The following MYO18A variants were observed in gnomAD, a reference collection of about 807,000 sequenced individuals.
MYO18A encodes the protein myosin XVIIIA.
In MYO18A, 78 loss-of-function variants were observed where a neutral mutation model predicts 235.8. The observed-to-expected ratio is 0.33, with a 90% CI of 0.28 to 0.40. The LOEUF (loss-of-function observed/expected upper bound fraction) is 0.40. Ranked by LOEUF, MYO18A falls within the 10% of genes least tolerant of loss-of-function variation. The pLI, the probability that MYO18A is intolerant of heterozygous loss-of-function variation, is 1.00. For synonymous variants in MYO18A, 977 were observed against 1,077.8 expected (o/e 0.91, Z 1.83); for missense variants, 2,215 against 2,699.3 (o/e 0.82, Z 3.98).
chr17:29,164,242 C>T (rs527874570), intron 2 of MYO18A, among the ~76,000 whole-genome samples: 2 of 152,210 alleles, frequency 1.3e-5, no homozygotes, highest in Admixed American at 6.5e-5. Context: ...CTCTCTACCT[C>T]GTGGTTCTCT....
chr17:29,110,985 T>C (rs1159351506), intron 17 of MYO18A, among the ~76,000 whole-genome samples: 2 of 152,230 alleles, frequency 1.3e-5, no homozygotes, highest in East Asian at 1.9e-4. Flanking sequence ...TTATTTATTA[T>C]GTTTATTGTT....
At chr17:29,080,962 G>A (rs2066106454) in intron 41 of MYO18A, 29 of 985,492 alleles carry the variant, frequency 2.9e-5, no homozygotes, top group Non-Finnish European at 3.5e-5. Context: ...CACCACCGAG[G>A]ACGGCCTCTC....
In MYO18A at chr17:29,111,844, G is replaced by A. The variant is rs748479097; in HGVS notation, c.2618C>T (p.Thr873Ile). 5.6e-6 allele frequency: 9 copies of A among 1,612,416 alleles called. No homozygotes were observed. The highest frequency in any genetic ancestry group is 7.6e-6 in the Non-Finnish European group (9 of 1,179,212). The stretch of plus-strand genomic sequence containing the variant: ...CCAGAGCAGGCCCCTCGCCTCGTCT[G>A]TGCGGGCCAGCGAGCGGACCTACAG... ...HQSLVRSLAR[T>I]DEARGLLWLL... Residue 873 changes from threonine to isoleucine, a missense_variant, in exon 16 of 42, where the codon ACA (threonine) becomes ATA (isoleucine). By Grantham distance (89) the Thr-to-Ile change is moderately conservative. Transcript: ENST00000527372. This position sits in a 1 kb window ranked among gnomAD's most constrained non-coding sequence, Gnocchi z 5.1.
intron 2 of MYO18A, among the ~76,000 whole-genome samples, chr17:29,141,027 G>C (rs1249384979): frequency 6.6e-6 from 1 of 152,210 alleles, no homozygotes; most frequent in Non-Finnish European, 1.5e-5. Context: ...GACCCACACG[G>C]GCAGGCCCAC....
intron 20 of MYO18A, among the ~76,000 whole-genome samples, chr17:29,105,554 C>T (rs568924426): frequency 7.9e-5 from 12 of 152,110 alleles, no homozygotes; most frequent in African/African-American, 2.9e-4. Context: ...AGGGACCCTC[C>T]CCACCAAGAC....
chr17:29,127,247 T>C (rs2067344189), intron 2 of MYO18A, among the ~76,000 whole-genome samples: 1 of 152,212 alleles, frequency 6.6e-6, no homozygotes, highest in Admixed American at 6.5e-5. Context: ...GCCCCTGTAG[T>C]GTGAATATTC....
chr17:29,143,402 G>GTTTTT (rs532615100), intron 2 of MYO18A, among the ~76,000 whole-genome samples: 5 of 121,534 alleles, frequency 4.1e-5, no homozygotes, highest in African/African-American at 1.0e-4. Context: ...CACCATGTAG[G>GTTTTT]TTTTTTTTTT....
Position 29,111,276 on chromosome 17 carries a change from G to T in MYO18A, c.2900+148C>A, listed in dbSNP as rs1215759923. ...CAAGAGGCCCCTCAAGCTCCTCAAG[G>T]CCAAGTGCCCTGGGCTGTTGCCTCT... On this transcript the variant is annotated intron_variant, in intron 17 of 41. Transcript: ENST00000527372. This position sits in a 1 kb window ranked among gnomAD's most constrained non-coding sequence, Gnocchi z 5.1. 6.5e-5 allele frequency: 58 copies of T among 888,052 alleles called. No individual in the cohort carries two copies. The allele number at this position is 888,052 out of a possible 1,614,324, so 55.0% of individuals were successfully genotyped here.
rs1403283667 is a variant in MYO18A, at chr17:29,098,161, G to A, written c.3934C>T (p.Leu1312=). 6.2e-7 allele frequency: 1 copy of A among 1,613,796 alleles called. No individual in the cohort carries two copies. The highest frequency in any genetic ancestry group is 8.5e-7 in the Non-Finnish European group (1 of 1,179,892). The change falls in exon 25 of 42, where the codon CTG becomes TTG. Residue 1312 remains leucine, a synonymous_variant. Transcript: ENST00000527372. ...RNTGESASQL[L]DAETAERLRA... ...AGCCTCTCTGCTGTCTCCGCGTCCA[G>A]CAGCTGGGAGGCGGACTCTCCTGTG...
rs776414017 is a variant in MYO18A, at chr17:29,118,467, C to G, written c.1830-27G>C. 6.3e-7 allele frequency: 1 copy of G among 1,581,972 alleles called. No individual in the cohort carries two copies. Among genetic ancestry groups the G allele is most frequent in the African/African-American group, 1.3e-5 (1 of 74,380 alleles). ...TAGGGGTACAAATAAGGCATCAGCA[C>G]GGCACTTGGTCCCCATGCCAAGGCC... On this transcript the variant is annotated intron_variant, in intron 8 of 41. Coordinates refer to ENST00000527372, the MANE Select transcript of MYO18A (RefSeq NM_078471.4). This position sits in a 1 kb window ranked among gnomAD's most constrained non-coding sequence, Gnocchi z 4.2.
intron 40 of MYO18A, among the ~76,000 whole-genome samples, chr17:29,084,756 T>C (rs1164955619): frequency 6.0e-5 from 9 of 149,222 alleles, no homozygotes; most frequent in Admixed American, 1.3e-4. Flanking sequence ...GGGGAGGGGG[T>C]CCATCAGGCG....
intron 2 of MYO18A, chr17:29,124,644 G>C (rs1319018485): frequency 7.8e-7 from 1 of 1,281,818 alleles, no homozygotes; most frequent in Non-Finnish European, 1.0e-6. Context: ...TGGGGGGAGA[G>C]CACCCTACCT....
chr17:29,174,773 T>C (rs1255126713), intron 1 of MYO18A, among the ~76,000 whole-genome samples: 2 of 152,028 alleles, frequency 1.3e-5, no homozygotes, highest in African/African-American at 2.4e-5. Flanking sequence ...GATCACGCCA[T>C]TGCAGCACTC....
In MYO18A at chr17:29,121,205, G is replaced by A. The variant is rs1401981712; in HGVS notation, c.1378C>T (p.His460Tyr). The A allele has an allele frequency of 6.2e-7, 1 of 1,605,188 alleles. No homozygotes were observed. Among genetic ancestry groups the A allele is most frequent in the African/African-American group, 1.3e-5 (1 of 74,728 alleles). Residue 460 changes from histidine to tyrosine, a missense_variant, in exon 6 of 42, where the codon CAC becomes TAC. Coordinates refer to ENST00000527372, the MANE Select transcript of MYO18A (RefSeq NM_078471.4). The surrounding 1 kb of genome is among the most constrained non-coding windows in gnomAD (Gnocchi z 4.2). ...TCCCGCCGACAACCCTTGAACATGT[G>A]CATCACCTTGGGCAGGAGAGCAAGG... is the stretch of plus-strand genomic sequence containing the variant. ...APAVYSEKVM[H>Y]MFKGCRREDM...
At chr17:29,167,170 T>C (rs1440879247) in intron 1 of MYO18A, 149 bp from the exon 2 acceptor site, 1 of 532,694 alleles carries the variant, frequency 1.9e-6, no homozygotes. Context: ...TCTCCACTGA[T>C]TTAATCCTTA....
In MYO18A at chr17:29,118,207, C is replaced by G; in HGVS notation, c.1894-18G>C. The stretch of plus-strand genomic sequence containing the variant: ...TCCTCAGGCTGTGGAGATAGATGAC[C>G]TCAAAGGGCTGTCCCTCCCAGCACA... On this transcript the variant is annotated intron_variant, in intron 9 of 41. Coordinates refer to ENST00000527372, the MANE Select transcript of MYO18A (RefSeq NM_078471.4). The surrounding 1 kb of genome is among the most constrained non-coding windows in gnomAD (Gnocchi z 4.2). 4 of 1,593,968 alleles carry G rather than the reference C, an allele frequency of 2.5e-6. No homozygotes were observed. Among genetic ancestry groups the G allele is most frequent in the Non-Finnish European group, 3.4e-6 (4 of 1,168,976 alleles).
rs774046799 is a variant in MYO18A, at chr17:29,120,778, G to A, written c.1586-20C>T. On this transcript the variant is annotated intron_variant, in intron 6 of 41. Transcript: ENST00000527372. This position sits in a 1 kb window ranked among gnomAD's most constrained non-coding sequence, Gnocchi z 4.2. Reference sequence around the variant, plus strand: ...TCTCCACTGCAGAATACAGGCCCAAGGGGATATCAGGAAAGCCAGGGGCAG... The same window carrying A: ...TCTCCACTGCAGAATACAGGCCCAAAGGGATATCAGGAAAGCCAGGGGCAG... 14 of 1,605,384 alleles carry A rather than the reference G, an allele frequency of 8.7e-6. No individual in the cohort carries two copies. The highest frequency in any genetic ancestry group is 8.5e-5 in the Admixed American group (5 of 59,118).
chr17:29,179,769 T>C (rs1705254284), intron 1 of MYO18A, among the ~76,000 whole-genome samples: 1 of 152,160 alleles, frequency 6.6e-6, no homozygotes, highest in Non-Finnish European at 1.5e-5. Context: ...TTGCCAGCTG[T>C]CTAGCAGCTG....
intron 41 of MYO18A, chr17:29,076,551 TC>T: frequency 6.6e-6 from 1 of 152,228 alleles, no homozygotes; most frequent in African/African-American, 2.4e-5. Flanking sequence ...TTTAAAGGAA[TC>T]AGGATAGCAC....
Sources: gnomAD v4.1 joint callset for allele counts (sites outside exome capture counted in the v4.1 genomes callset) on GRCh38, gnomAD v4.1.1 for gene constraint, Gnocchi (gnomAD v3.1) non-coding constraint, MANE v1.5 for transcripts, NCBI Gene and HGNC (gene_info 2026-07-23, HGNC 2026-07-21) for gene names.